Variants in MAP4K4 observed in about 807,000 individuals in gnomAD.
The protein encoded by MAP4K4 is mitogen-activated protein kinase kinase kinase kinase 4.
A neutral mutation model predicts 189.6 loss-of-function variants in MAP4K4; 38 were observed. That is an observed-to-expected ratio of 0.20 (90% CI 0.15 to 0.26). The LOEUF (loss-of-function observed/expected upper bound fraction) is 0.26. Ranked by LOEUF, MAP4K4 falls within the 10% of genes least tolerant of loss-of-function variation. The probability of loss-of-function intolerance (pLI) is 1.00; values close to 1 mark genes in which losing one functional copy is unlikely to be tolerated. For synonymous variants in MAP4K4, 610 were observed against 624.3 expected (o/e 0.98, Z 0.34); for missense variants, 1,054 against 1,726.9 (o/e 0.61, Z 6.91).
intron 2 of MAP4K4, among the ~76,000 whole-genome samples, chr2:101,752,843 G>A (rs989686786): frequency 3.9e-5 from 6 of 152,126 alleles, no homozygotes; most frequent in Admixed American, 2.0e-4. Context: ...CACTGTCCAC[G>A]TCTGTGTATG....
rs1559014076 is a variant in MAP4K4, at chr2:101,704,565, A to AT, written c.123+6028dup. ...TGTATATATATATATATATATATAT[A>AT]TATTTTTTTTTTTTTTTTTTTTTTT... On this transcript the variant is annotated intron_variant, in intron 2 of 32. Transcript: ENST00000324219. Among the ~76,000 whole-genome samples the AT allele has an allele frequency of 2.4e-3, 98 of 40,352 alleles. 5 individuals carry two copies. In the East Asian group the frequency reaches 0.043, roughly 18 times the overall value. The allele number at this position is 40,352 out of a possible 152,430, so 26.5% of individuals were successfully genotyped here.
intron 10 of MAP4K4, 145 bp downstream of exon 10, chr2:101,840,139 G>A: frequency 1.4e-6 from 1 of 721,026 alleles, no homozygotes; most frequent in Non-Finnish European, 2.1e-6. Flanking sequence ...TCAGTGCTTA[G>A]GCCTGGGGTC....
chr2:101,839,255 C>T (rs2096851176), intron 9 of MAP4K4, among the ~76,000 whole-genome samples: 1 of 152,198 alleles, frequency 6.6e-6, no homozygotes, highest in Non-Finnish European at 1.5e-5. Context: ...TCTCTTCCCT[C>T]CATCCCTCCA....
chr2:101,835,070 G>A (rs1345969898), intron 8 of MAP4K4, among the ~76,000 whole-genome samples: 2 of 152,226 alleles, frequency 1.3e-5, no homozygotes, highest in Non-Finnish European at 2.9e-5. Context: ...CATAGTTGCT[G>A]CTGAATAAAT....
intron 3 of MAP4K4, among the ~76,000 whole-genome samples, chr2:101,821,403 G>C (rs991986731): frequency 2.6e-5 from 4 of 152,076 alleles, no homozygotes; most frequent in African/African-American, 9.7e-5. Flanking sequence ...GGTACACATG[G>C]GCTATCTGGT....
chr2:101,879,512 T>C (rs1014153875), intron 27 of MAP4K4, among the ~76,000 whole-genome samples: 9 of 152,178 alleles, frequency 5.9e-5, no homozygotes, highest in African/African-American at 1.9e-4. Flanking sequence ...GTCTTTTTCT[T>C]CTCTTAACAT....
chr2:101,790,398 A>G (rs2092667118), intron 2 of MAP4K4, among the ~76,000 whole-genome samples: 2 of 152,012 alleles, frequency 1.3e-5, no homozygotes, highest in African/African-American at 4.8e-5. Context: ...AATATAGGAA[A>G]ATATAAAGAA....
chr2:101,877,093 G>T (rs1203143199), exon 27 of MAP4K4: 3 of 1,613,984 alleles, frequency 1.9e-6, no homozygotes, highest in Admixed American at 1.7e-5. Context: ...AACCGAAGAC[G>T]ATTTCAACAA....
Position 101,736,421 on chromosome 2 carries a change from G to A in MAP4K4, c.123+37883G>A, listed in dbSNP as rs577367966. ...GCCTCTCTCTGCCTTACCCAGCTGG[G>A]TCCTGGTCATGAATACAGGCATTTT... On this transcript the variant is annotated intron_variant, in intron 2 of 32. Coordinates refer to ENST00000324219, the Ensembl canonical transcript of MAP4K4. Among the ~76,000 whole-genome samples, 2 of 152,280 alleles carry A rather than the reference G, an allele frequency of 1.3e-5. 1 individual carries two copies. The highest frequency in any genetic ancestry group is 4.1e-4 in the South Asian group (2 of 4,824).
intron 2 of MAP4K4, among the ~76,000 whole-genome samples, chr2:101,711,140 A>G (rs889135850): frequency 8.5e-5 from 13 of 152,266 alleles, no homozygotes; most frequent in Admixed American, 3.3e-4. Flanking sequence ...CCTACATTAC[A>G]CATGGGGAGA....
intron 27 of MAP4K4, among the ~76,000 whole-genome samples, chr2:101,878,340 C>T (rs1393365940): frequency 6.6e-6 from 1 of 152,174 alleles, no homozygotes; most frequent in Non-Finnish European, 1.5e-5. Context: ...CACTGTTGTA[C>T]ATACAGTCAG....
intron 2 of MAP4K4, among the ~76,000 whole-genome samples, chr2:101,752,800 G>A (rs969275114): frequency 1.3e-5 from 2 of 152,146 alleles, no homozygotes; most frequent in African/African-American, 2.4e-5. Flanking sequence ...TTTACTGGCC[G>A]TGTCCACATT....
intron 2 of MAP4K4, among the ~76,000 whole-genome samples, chr2:101,732,557 C>T (rs1015194233): frequency 2.0e-5 from 3 of 152,078 alleles, no homozygotes; most frequent in Non-Finnish European, 4.4e-5. Flanking sequence ...TGTAGCATGG[C>T]TTCCAGTACC....
intron 2 of MAP4K4, among the ~76,000 whole-genome samples, chr2:101,742,317 A>G (rs1048477198): frequency 5.3e-5 from 8 of 152,110 alleles, no homozygotes; most frequent in African/African-American, 1.9e-4. Context: ...GCTGTACTGA[A>G]AGCTCATTGG....
intron 10 of MAP4K4, among the ~76,000 whole-genome samples, chr2:101,842,290 C>T (rs1019582152): frequency 1.3e-5 from 2 of 152,154 alleles, no homozygotes; most frequent in Non-Finnish European, 2.9e-5. Context: ...CTAGTGCCCT[C>T]GGGTTCTTTT....
intron 12 of MAP4K4, among the ~76,000 whole-genome samples, chr2:101,844,680 C>G (rs922669986): frequency 6.6e-6 from 1 of 152,152 alleles, no homozygotes; most frequent in African/African-American, 2.4e-5. Context: ...CTTTTCTACT[C>G]TCAGCCTCTG....
intron 27 of MAP4K4, 93 bp from the exon 28 acceptor site, chr2:101,882,458 C>T: frequency 9.8e-7 from 1 of 1,022,258 alleles, no homozygotes; most frequent in Admixed American, 3.3e-5. Flanking sequence ...AAGTGCTGGC[C>T]TTAAGTGATT....
At position 101,807,637 on chromosome 2, in the gene MAP4K4, C is replaced by T. The variant is rs370583291; in HGVS notation, c.181-16291C>T. ...AAAGAGGTTTAATTGACTCATGGTTCTACAGGATGTGCAGGAAACATAGTG... is the reference window on the plus strand; with the variant it reads ...AAAGAGGTTTAATTGACTCATGGTTTTACAGGATGTGCAGGAAACATAGTG... On this transcript the variant is annotated intron_variant, in intron 3 of 32. Transcript: ENST00000324219. Among the ~76,000 whole-genome samples, 26 of 152,162 alleles carry T rather than the reference C, an allele frequency of 1.7e-4. 2 individuals are homozygous for T. Among genetic ancestry groups the T allele is most frequent in the Admixed American group, 1.4e-3 (21 of 15,284 alleles).
chr2:101,853,351 G>A (rs74664310), intron 12 of MAP4K4, among the ~76,000 whole-genome samples: 3,394 of 152,186 alleles, frequency 0.022, 134 homozygotes, highest in Non-Finnish European at 0.023. Flanking sequence ...ATATACACAC[G>A]AACAGACACA....
Sources: allele counts gnomAD v4.1 joint callset (sites outside exome capture counted in the v4.1 genomes callset), GRCh38; gene constraint gnomAD v4.1.1; transcripts MANE v1.5; gene names NCBI Gene and HGNC (gene_info 2026-07-23, HGNC 2026-07-21).